The following WNT7B variants were observed in gnomAD, a reference collection of about 807,000 sequenced individuals.
WNT7B encodes the protein protein Wnt-7b.
A neutral mutation model predicts 38.2 loss-of-function variants in WNT7B; 19 were observed. That is an observed-to-expected ratio of 0.50 (90% CI 0.35 to 0.73). WNT7B has a LOEUF of 0.73. WNT7B is among the 30% of genes least tolerant of loss of function. The pLI, the probability that WNT7B is intolerant of heterozygous loss-of-function variation, is 0.01. For missense variants in WNT7B, 423 were observed against 507.9 expected (o/e 0.83, Z 1.61); for synonymous variants, 243 against 209.3 (o/e 1.16, Z -1.39).
intron 2 of WNT7B, among the ~76,000 whole-genome samples, chr22:45,934,220 G>C (rs570727727): frequency 1.3e-5 from 2 of 152,346 alleles, no homozygotes; most frequent in East Asian, 3.9e-4. Flanking sequence ...GGAGCAAAGT[G>C]CCTGGGGTCG....
rs571178780 is a variant in WNT7B at position 45,957,785 on chromosome 22, G to A, written c.72-7639C>T. ...CGTGTGCTTTGTATGTGCCTAGCCCGCACGGGGGGTGCTAGCCCTTCCTGC... is the reference window on the plus strand; with the variant it reads ...CGTGTGCTTTGTATGTGCCTAGCCCACACGGGGGGTGCTAGCCCTTCCTGC... On this transcript the variant is annotated intron_variant, in intron 1 of 3. Coordinates refer to ENST00000339464, the MANE Select transcript of WNT7B (RefSeq NM_058238.3). Among the ~76,000 whole-genome samples, 240 of 142,484 alleles carry A rather than the reference G, an allele frequency of 1.7e-3. 2 individuals carry two copies. Among genetic ancestry groups the A allele is most frequent in the Middle Eastern group, 3.8e-3 (1 of 260 alleles). 93.5% of individuals were successfully genotyped at this position (142,484 alleles called of 152,430 possible).
In WNT7B at chr22:45,976,637, G is replaced by A; in HGVS notation, c.71+47C>T. On this transcript the variant is annotated intron_variant, in intron 1 of 3. Coordinates refer to ENST00000339464, the MANE Select transcript of WNT7B (RefSeq NM_058238.3). The surrounding 1 kb of genome is among the most constrained non-coding windows in gnomAD (Gnocchi z 8.5). ...GGGACGCCCCGGAGGCAGCTCCTTC[G>A]TGCTGTCTTGGCCCCTGGCTGCTGC... 2 of 1,584,470 alleles carry A rather than the reference G, an allele frequency of 1.3e-6. No individual in the cohort carries two copies. The highest frequency in any genetic ancestry group is 1.7e-4 in the Middle Eastern group (1 of 5,996).
intron 1 of WNT7B, among the ~76,000 whole-genome samples, chr22:45,959,026 C>T (rs947807422): frequency 6.6e-6 from 1 of 152,224 alleles, no homozygotes; most frequent in Non-Finnish European, 1.5e-5. Flanking sequence ...GATGGCAGAA[C>T]CCTGTCTTAC....
chr22:45,937,955 G>A (rs1050328436), intron 2 of WNT7B, among the ~76,000 whole-genome samples: 3 of 152,054 alleles, frequency 2.0e-5, no homozygotes, highest in Non-Finnish European at 4.4e-5. Flanking sequence ...GTTGCAGTGA[G>A]CCGAGACCGC....
intron 2 of WNT7B, among the ~76,000 whole-genome samples, chr22:45,939,632 A>AACACACACACACACACACACACAC (rs56152359): frequency 5.5e-5 from 8 of 144,882 alleles, no homozygotes; most frequent in South Asian, 4.4e-4. Flanking sequence ...TGTCTCTACA[A>AACACACACACACACACACACACAC]ACACACACAC....
intron 2 of WNT7B, among the ~76,000 whole-genome samples, chr22:45,942,486 C>T (rs1482166478): frequency 1.3e-5 from 2 of 152,236 alleles, no homozygotes; most frequent in African/African-American, 4.8e-5. Context: ...GGCAGAGAAG[C>T]CTCCAGGCCA....
chr22:45,935,182 C>T (rs1438546336), intron 2 of WNT7B, among the ~76,000 whole-genome samples: 4 of 152,266 alleles, frequency 2.6e-5, no homozygotes, highest in East Asian at 3.9e-4. Context: ...AGGCTGACAG[C>T]GAGCCAGTGC....
At chr22:45,964,136 T>C (rs914916697) in intron 1 of WNT7B, among the ~76,000 whole-genome samples, 3 of 152,072 alleles carry the variant, frequency 2.0e-5, no homozygotes, top group African/African-American at 7.2e-5. Flanking sequence ...AGGCCCTGTG[T>C]CCCTGTGTAC....
In WNT7B at chr22:45,931,139, G is replaced by A; in HGVS notation, c.529C>T (p.Arg177Trp). The A allele has an allele frequency of 3.8e-6, 6 of 1,593,976 alleles. No homozygotes were observed. The highest frequency in any genetic ancestry group is 5.1e-6 in the Non-Finnish European group (6 of 1,174,456). ...VDAREIKKNARRLMNLHNNEA... is the reference protein window; with the variant it reads ...VDAREIKKNAWRLMNLHNNEA... ...TTGTTATGCAGGTTCATGAGGCGCCGCGCGTTCTTCTTGATCTCCCGAGCG... is the reference window on the plus strand; with the variant it reads ...TTGTTATGCAGGTTCATGAGGCGCCACGCGTTCTTCTTGATCTCCCGAGCG... Residue 177 changes from arginine (R) to tryptophan (W), a missense_variant, in exon 3 of 4, where the codon CGG (arginine) becomes TGG (tryptophan). Coordinates refer to ENST00000339464, the MANE Select transcript of WNT7B (RefSeq NM_058238.3).
rs778005401 is a variant in WNT7B at position 45,966,029 on chromosome 22, G to A, written c.71+10655C>T. Reference sequence around the variant, plus strand: ...GCGAGTGACTCTGCACCCTGACCTCGTCTTCCTCACTCCACCACCTACCAA... The same window carrying A: ...GCGAGTGACTCTGCACCCTGACCTCATCTTCCTCACTCCACCACCTACCAA... On this transcript the variant is annotated intron_variant, in intron 1 of 3. Coordinates refer to ENST00000339464, the MANE Select transcript of WNT7B (RefSeq NM_058238.3). This position sits in a 1 kb window ranked among gnomAD's most constrained non-coding sequence, Gnocchi z 4.2. 2.6e-5 allele frequency among the ~76,000 whole-genome samples: 4 copies of A among 152,126 alleles called. No individual in the cohort carries two copies. The highest frequency in any genetic ancestry group is 9.7e-5 in the African/African-American group (4 of 41,440).
intron 3 of WNT7B, among the ~76,000 whole-genome samples, chr22:45,929,695 C>CCCATCCTTCCATCCAT (rs141904678): frequency 0.029 from 4,065 of 140,284 alleles, 76 homozygotes; most frequent in Middle Eastern, 0.062. Context: ...CTTCCATCCA[C>CCCATCCTTCCATCCAT]CCATCTTTCC....
At chr22:45,949,497 T>TA (rs1427071493) in intron 2 of WNT7B, among the ~76,000 whole-genome samples, 2 of 152,226 alleles carry the variant, frequency 1.3e-5, no homozygotes, top group Admixed American at 6.5e-5. Flanking sequence ...TAAGTGTTAC[T>TA]ATTCCCTGCT....
Position 45,950,094 on chromosome 22 carries a change from G to A in WNT7B, c.124C>T (p.Pro42Ser), listed in dbSNP as rs867206049. 1.2e-6 allele frequency: 2 copies of A among 1,613,942 alleles called. No individual in the cohort carries two copies. Among genetic ancestry groups the A allele is most frequent in the African/African-American group, 1.3e-5 (1 of 74,962 alleles). The stretch of plus-strand genomic sequence containing the variant: ...GCACGCTGCCGCGGGGCTAGGCCAG[G>A]AATCTTGTTGCAGATGATGTTGGCT... The part of the protein sequence containing the change: ...LGANIICNKI[P>S]GLAPRQRAIC... Residue 42 changes from proline (P) to serine (S), a missense_variant, in exon 2 of 4, where the codon CCT (proline) becomes TCT (serine). Physicochemically the swap from Pro to Ser is moderately conservative, Grantham distance 74 (BLOSUM62 -1). Transcript: ENST00000339464.
intron 3 of WNT7B, among the ~76,000 whole-genome samples, chr22:45,930,599 G>T (rs1569112070): frequency 6.6e-6 from 1 of 152,202 alleles, no homozygotes; most frequent in Admixed American, 6.5e-5. Flanking sequence ...CCATGCAGGA[G>T]CGGCCTGCTC....
rs111721749 is a variant in WNT7B, at chr22:45,977,127, A to G, written c.-373T>C. On this transcript the variant is annotated 5_prime_UTR_variant, in exon 1 of 4. Coordinates refer to ENST00000339464, the MANE Select transcript of WNT7B (RefSeq NM_058238.3). Reference sequence around the variant, plus strand: ...CGCCTCGCCGAGCGCCGCGGCGGCCAATGTGTCCGCACTTGTCGGCCGCCC... The same window carrying G: ...CGCCTCGCCGAGCGCCGCGGCGGCCGATGTGTCCGCACTTGTCGGCCGCCC... The G allele has an allele frequency of 7.8e-6, 5 of 641,536 alleles. No homozygotes were observed. Among genetic ancestry groups the G allele is most frequent in the Non-Finnish European group, 9.7e-6 (5 of 516,292 alleles). The allele number at this position is 641,536 out of a possible 1,614,324, so 39.7% of individuals were successfully genotyped here. A position where few individuals can be genotyped will look rare whatever the true frequency, so the allele number is the denominator to read the frequency against.
At chr22:45,943,842 CTG>C (rs1931729856) in intron 2 of WNT7B, among the ~76,000 whole-genome samples, 1 of 152,220 alleles carries the variant, frequency 6.6e-6, no homozygotes. Context: ...AGGAGTTGGG[CTG>C]AGTAATGGCT....
rs764281861 is a variant in WNT7B, at chr22:45,922,881, C to T, written c.1025G>A (p.Arg342His). 37 of 1,583,116 alleles carry T rather than the reference C, an allele frequency of 2.3e-5. No homozygotes were observed. Among genetic ancestry groups the T allele is most frequent in the Middle Eastern group, 3.4e-4 (2 of 5,916 alleles). The change falls in exon 4 of 4, where the codon CGC becomes CAC. Residue 342 changes from arginine (R) to histidine (H), a missense_variant. Physicochemically the swap from Arg to His is conservative, Grantham distance 29 (BLOSUM62 0). Coordinates refer to ENST00000339464, the MANE Select transcript of WNT7B (RefSeq NM_058238.3). ...CFVKCNTCSE[R>H]TEVFTCK ...TCACTTGCAGGTGAAGACCTCGGTG[C>T]GCTCGCTGCAGGTGTTGCACTTGAC... is the stretch of plus-strand genomic sequence containing the variant.
chr22:45,970,093 A>G lies in WNT7B; in HGVS notation c.71+6591T>C, dbSNP rs554649870. 9.9e-5 allele frequency among the ~76,000 whole-genome samples: 15 copies of G among 152,218 alleles called. No individual in the cohort carries two copies. The South Asian group carries it at 3.1e-3, about 32-fold the overall frequency. On this transcript the variant is annotated intron_variant, in intron 1 of 3. Transcript: ENST00000339464. The stretch of plus-strand genomic sequence containing the variant: ...TGGTCAGCCTTGCGCCCACCAAACA[A>G]ACCGGGCAAGGGAAATCTGAGACCC...
intron 1 of WNT7B, among the ~76,000 whole-genome samples, chr22:45,973,739 C>T (rs1932499038): frequency 2.0e-5 from 3 of 152,218 alleles, no homozygotes; most frequent in Admixed American, 1.3e-4. Flanking sequence ...GCTCCAAATC[C>T]CAGGTGCATT....
Sources: allele counts gnomAD v4.1 joint callset (sites outside exome capture counted in the v4.1 genomes callset), GRCh38; gene constraint gnomAD v4.1.1; non-coding constraint Gnocchi (gnomAD v3.1); transcripts MANE v1.5; gene names NCBI Gene and HGNC (gene_info 2026-07-23, HGNC 2026-07-21).